FMN1: variants seen among roughly 807,000 people sequenced by gnomAD.
FMN1 encodes the protein formin 1.
Under a neutral mutation model 132.4 loss-of-function variants are expected in FMN1, and 110 were observed. The observed-to-expected ratio is 0.83, with a 90% CI of 0.71 to 0.97. The LOEUF is 0.97. Among genes scored for constraint, FMN1 ranks in the 50% least tolerant of loss-of-function variants. FMN1 has a pLI of 0.00. For synonymous variants in FMN1, 722 were observed against 651.7 expected, an observed-to-expected ratio of 1.11 and a Z score of -1.64; for missense variants, 1,792 against 1,705.3, an observed-to-expected ratio of 1.05 and a Z score of -0.90.
intron 5 of FMN1, among the ~76,000 whole-genome samples, chr15:33,073,151 C>T (rs117382475): frequency 0.013 from 2,022 of 152,230 alleles, 21 homozygotes; most frequent in Non-Finnish European, 0.022. Context: ...TAGCACTTCT[C>T]GCTATTACTC....
At chr15:33,012,989 G>A in intron 6 of FMN1, 2 of 445,980 alleles carry the variant, frequency 4.5e-6, no homozygotes, top group Non-Finnish European at 4.4e-6. Flanking sequence ...TATGATGGTG[G>A]AAGCCAGTAC....
intron 6 of FMN1, among the ~76,000 whole-genome samples, chr15:33,017,595 G>T (rs2035132524): frequency 6.6e-6 from 1 of 152,090 alleles, no homozygotes. Flanking sequence ...GACAATAACT[G>T]GGAGAAATCC....
chr15:32,799,850 T>C (rs2057418767), intron 18 of FMN1, among the ~76,000 whole-genome samples: 1 of 152,212 alleles, frequency 6.6e-6, no homozygotes, highest in African/African-American at 2.4e-5. Flanking sequence ...ACAAGCTCAT[T>C]TGCCATGAGC....
intron 4 of FMN1, among the ~76,000 whole-genome samples, chr15:33,117,302 AAAG>A (rs2039965804): frequency 6.6e-6 from 1 of 152,242 alleles, no homozygotes; most frequent in African/African-American, 2.4e-5. Context: ...GTCCTGCCAT[AAAG>A]AAGACAATGC....
At chr15:33,171,896 C>A (rs956740530) in intron 3 of FMN1, among the ~76,000 whole-genome samples, 3 of 152,138 alleles carry the variant, frequency 2.0e-5, no homozygotes, top group African/African-American at 7.2e-5. Flanking sequence ...GTATTTCAAA[C>A]ACAATGATTC....
chr15:32,999,518 T>C (rs1445985759), intron 7 of FMN1, among the ~76,000 whole-genome samples: 1 of 152,260 alleles, frequency 6.6e-6, no homozygotes, highest in Non-Finnish European at 1.5e-5. Context: ...CAGTTTGGCA[T>C]TGATCCCTGG....
At chr15:32,837,927 A>G (rs192365138) in intron 17 of FMN1, among the ~76,000 whole-genome samples, 37 of 152,302 alleles carry the variant, frequency 2.4e-4, no homozygotes, top group African/African-American at 8.7e-4. Context: ...TCATTTCCAC[A>G]GTCCTCATGC....
intron 10 of FMN1, among the ~76,000 whole-genome samples, chr15:32,917,742 A>T (rs745571332): frequency 2.6e-5 from 4 of 152,220 alleles, no homozygotes; most frequent in Non-Finnish European, 4.4e-5. Flanking sequence ...GGCTATAAAT[A>T]ATCATTCCAC....
chr15:33,061,920 C>T (rs1321249575), intron 6 of FMN1, among the ~76,000 whole-genome samples: 1 of 151,980 alleles, frequency 6.6e-6, no homozygotes, highest in East Asian at 1.9e-4. Context: ...GAAAGAAACC[C>T]TTTAAGAAAC....
intron 9 of FMN1, among the ~76,000 whole-genome samples, chr15:32,960,521 C>A (rs901248692): frequency 2.6e-5 from 4 of 152,070 alleles, no homozygotes; most frequent in Non-Finnish European, 4.4e-5. Flanking sequence ...ATTACAGTGA[C>A]CTTGAGAAAC....
chr15:32,905,961 C>T (rs2060414375), intron 12 of FMN1, among the ~76,000 whole-genome samples: 1 of 152,188 alleles, frequency 6.6e-6, no homozygotes, highest in Admixed American at 6.5e-5. Flanking sequence ...CACAGCATGA[C>T]AGTCCTTTTT....
intron 19 of FMN1, among the ~76,000 whole-genome samples, chr15:32,786,920 G>A (rs1375675378): frequency 6.6e-5 from 10 of 152,176 alleles, no homozygotes; most frequent in African/African-American, 2.4e-4. Flanking sequence ...ACAGCCCCCA[G>A]TTCCCAGAGC....
chr15:32,914,349 A>C (rs2060633058), intron 10 of FMN1, among the ~76,000 whole-genome samples: 1 of 152,206 alleles, frequency 6.6e-6, no homozygotes, highest in African/African-American at 2.4e-5. Context: ...CAGTGAACGT[A>C]AACTGGAAGG....
Position 33,135,976 on chromosome 15 carries a change from T to G in FMN1, c.1867+17072A>C, listed in dbSNP as rs74799471. ...CTGTTTTGCCTACTGCTCTGTCTACTATACTTAGAACAATGATGAATATAT... is the reference window on the plus strand; with the variant it reads ...CTGTTTTGCCTACTGCTCTGTCTACGATACTTAGAACAATGATGAATATAT... On this transcript the variant is annotated intron_variant, in intron 4 of 20. Coordinates refer to ENST00000616417, the MANE Select transcript of FMN1 (RefSeq NM_001277313.2). Among the ~76,000 whole-genome samples, 1,187 of 152,374 alleles carry G rather than the reference T, an allele frequency of 7.8e-3. 19 individuals carry two copies. Among genetic ancestry groups the G allele is most frequent in the East Asian group, 0.061 (315 of 5,186 alleles).
chr15:32,988,046 CCAGTTT>C (rs771486773), intron 7 of FMN1, among the ~76,000 whole-genome samples: 38 of 128,372 alleles, frequency 3.0e-4, no homozygotes, highest in Non-Finnish European at 4.8e-4. Context: ...GCCTGTCTCT[CCAGTTT>C]TTTTTTTTTT....
At chr15:32,933,992 A>G (rs2061191565) in intron 9 of FMN1, among the ~76,000 whole-genome samples, 1 of 152,108 alleles carries the variant, frequency 6.6e-6, no homozygotes, top group Non-Finnish European at 1.5e-5. Flanking sequence ...AATTACTGAG[A>G]GGCAAGAACT....
chr15:32,826,834 G>C (rs1454769561), intron 17 of FMN1, among the ~76,000 whole-genome samples: 2 of 152,126 alleles, frequency 1.3e-5, no homozygotes, highest in Non-Finnish European at 2.9e-5. Flanking sequence ...GTCCTTCCCA[G>C]TTTTCCTAGC....
intron 9 of FMN1, among the ~76,000 whole-genome samples, chr15:32,956,321 A>G (rs923031202): frequency 4.6e-5 from 7 of 152,308 alleles, no homozygotes; most frequent in Non-Finnish European, 1.0e-4. Flanking sequence ...GCATTCTGAA[A>G]GAATCATTGA....
intron 5 of FMN1, among the ~76,000 whole-genome samples, chr15:33,083,600 A>G (rs955951003): frequency 1.3e-5 from 2 of 152,146 alleles, no homozygotes; most frequent in Admixed American, 6.5e-5. Flanking sequence ...ACCTCACCCT[A>G]TGTATCTCTT....
Sources: allele counts gnomAD v4.1 joint callset (sites outside exome capture counted in the v4.1 genomes callset), GRCh38; gene constraint gnomAD v4.1.1; transcripts MANE v1.5; gene names NCBI Gene and HGNC (gene_info 2026-07-23, HGNC 2026-07-21).